The following NCAPH variants were observed in gnomAD, a reference collection of about 807,000 sequenced individuals.
The protein encoded by NCAPH is condensin complex subunit 2.
Under a neutral mutation model 85.5 loss-of-function variants are expected in NCAPH, and 38 were observed. The observed-to-expected ratio is 0.44, with a 90% CI of 0.34 to 0.58. The LOEUF is 0.58. Among genes scored for constraint, NCAPH ranks in the 20% least tolerant of loss-of-function variants. NCAPH has a pLI of 0.01. For synonymous variants in NCAPH, 301 were observed against 335.1 expected, an observed-to-expected ratio of 0.90 and a Z score of 1.11; for missense variants, 789 against 916.6, an observed-to-expected ratio of 0.86 and a Z score of 1.80.
At chr2:96,344,049 TTCATC>T in intron 5 of NCAPH, 51 bp from the exon 6 acceptor site, 1 of 1,568,278 alleles carries the variant, frequency 6.4e-7, no homozygotes, top group Non-Finnish European at 8.6e-7. Context: ...AGTTAGTAAG[TTCATC>T]ACATGCTTCA....
At chr2:96,367,400 G>C in intron 15 of NCAPH, 27 bp downstream of exon 15, 1 of 1,554,560 alleles carries the variant, frequency 6.4e-7, no homozygotes, top group Non-Finnish European at 8.9e-7. Context: ...TGTTCTCTAG[G>C]TGCCCAGCAT....
chr2:96,335,948 T>A (rs939528651), intron 1 of NCAPH, 100 bp downstream of exon 1: 8 of 1,289,412 alleles, frequency 6.2e-6, no homozygotes, highest in Non-Finnish European at 4.0e-6. Context: ...GGAGAGAGGA[T>A]ATGCTCAGCT....
At chr2:96,354,985 A>G (rs1249040259) in intron 9 of NCAPH, among the ~76,000 whole-genome samples, 9 of 152,148 alleles carry the variant, frequency 5.9e-5, no homozygotes, top group Admixed American at 3.3e-4. Context: ...ACCACCTGAA[A>G]GGTAAGCAAG....
At chr2:96,367,122 CAAG>C in intron 14 of NCAPH, 132 bp from the exon 15 acceptor site, 3 of 585,524 alleles carry the variant, frequency 5.1e-6, no homozygotes, top group South Asian at 1.8e-5. Flanking sequence ...ACAAACAAAA[CAAG>C]AGAGCTCTGT....
chr2:96,359,146 C>T lies in NCAPH; in HGVS notation c.1310C>T (p.Ser437Leu), dbSNP rs1372668120. 5 of 1,614,176 alleles carry T rather than the reference C, an allele frequency of 3.1e-6. No homozygotes were observed. Among genetic ancestry groups the T allele is most frequent in the South Asian group, 2.2e-5 (2 of 91,082 alleles). ...EYSYFSPRTM[S>L]MWAGPDHWRF... The stretch of plus-strand genomic sequence containing the variant: ...TCTTATTTCAGTCCTCGGACCATGT[C>T]GATGTGGGCTGGCCCGGATCACTGG... The change falls in exon 10 of 18, where the codon TCG (serine) becomes TTG (leucine). Residue 437 changes from serine (S) to leucine (L), a missense_variant. Coordinates refer to ENST00000240423, the MANE Select transcript of NCAPH (RefSeq NM_015341.5).
Position 96,359,103 on chromosome 2 carries a change from A to G in NCAPH, c.1267A>G (p.Met423Val), listed in dbSNP as rs773338706. 2 of 1,614,220 alleles carry G rather than the reference A, an allele frequency of 1.2e-6. No homozygotes were observed. Among genetic ancestry groups the G allele is most frequent in the Non-Finnish European group, 1.7e-6 (2 of 1,180,032 alleles). The part of the protein sequence containing the change: ...DIRTMCPLLS[M>V]KPGEYSYFSP... ...CAGGACCATGTGCCCCCTTCTGTCT[A>G]TGAAACCTGGAGAATATTCTTATTT... The change falls in exon 10 of 18, where the codon ATG becomes GTG. Residue 423 changes from methionine (M) to valine (V), a missense_variant. Met to Val is a conservative substitution (Grantham distance 21). Coordinates refer to ENST00000240423, the MANE Select transcript of NCAPH (RefSeq NM_015341.5).
chr2:96,348,623 C>A (rs2064393926), intron 6 of NCAPH, among the ~76,000 whole-genome samples: 1 of 151,904 alleles, frequency 6.6e-6, no homozygotes. Context: ...TTTCCCCTTC[C>A]CAGATAATCT....
chr2:96,362,195 G>A (rs2064633674), intron 12 of NCAPH, among the ~76,000 whole-genome samples: 1 of 151,858 alleles, frequency 6.6e-6, no homozygotes, highest in South Asian at 2.1e-4. Flanking sequence ...ACTCCAGCCT[G>A]GGGGACAAAG....
In NCAPH at chr2:96,350,127, C is replaced by T. The variant is rs141197806; in HGVS notation, c.721-1704C>T. On this transcript the variant is annotated intron_variant, in intron 6 of 17. Coordinates refer to ENST00000240423, the MANE Select transcript of NCAPH (RefSeq NM_015341.5). ...TAAAGAGATCTTGAACTTTATCATT[C>T]AGTCTATTGTAAGGCCTTTTATTGT... Among the ~76,000 whole-genome samples the T allele has an allele frequency of 4.1e-3, 621 of 152,340 alleles. 2 individuals carry two copies. Among genetic ancestry groups the T allele is most frequent in the African/African-American group, 0.014 (594 of 41,580 alleles).
intron 12 of NCAPH, among the ~76,000 whole-genome samples, chr2:96,363,539 A>G (rs2064655403): frequency 3.3e-5 from 5 of 152,208 alleles, no homozygotes. Context: ...TAAAATATTC[A>G]GTGTGCTCTT....
At chr2:96,366,126 G>A (rs1205272986) in intron 14 of NCAPH, 68 bp downstream of exon 14, 20 of 1,514,822 alleles carry the variant, frequency 1.3e-5, no homozygotes, top group Non-Finnish European at 1.5e-5. Context: ...TTATATGAGA[G>A]TCACGCAATC....
chr2:96,344,321 G>C, intron 6 of NCAPH, 92 bp downstream of exon 6: 1 of 1,416,198 alleles, frequency 7.1e-7, no homozygotes, highest in East Asian at 2.5e-5. Context: ...GCTGGTATGT[G>C]CCTGTTTAAG....
chr2:96,338,758 A>C (rs549844308), intron 1 of NCAPH, among the ~76,000 whole-genome samples: 1 of 152,198 alleles, frequency 6.6e-6, no homozygotes, highest in African/African-American at 2.4e-5. Context: ...TCCAGAATGA[A>C]TGTAACCCTC....
chr2:96,365,822 T>C, intron 13 of NCAPH, 54 bp from the exon 14 acceptor site: 2 of 1,575,556 alleles, frequency 1.3e-6, no homozygotes, highest in Non-Finnish European at 1.7e-6. Flanking sequence ...TTCAAGGGTG[T>C]TTCTGAGCTC....
chr2:96,350,113 T>C (rs1268933101), intron 6 of NCAPH, among the ~76,000 whole-genome samples: 3 of 152,252 alleles, frequency 2.0e-5, no homozygotes, highest in African/African-American at 7.2e-5. Flanking sequence ...AAAGAGATCT[T>C]GAACTTTATC....
chr2:96,337,367 G>T (rs1324405095), intron 1 of NCAPH, among the ~76,000 whole-genome samples: 1 of 152,142 alleles, frequency 6.6e-6, no homozygotes, highest in African/African-American at 2.4e-5. Flanking sequence ...TCTTGATTCA[G>T]TTTCTAAAAA....
Position 96,369,056 on chromosome 2 carries a change from C to G in NCAPH, c.2083C>G (p.Gln695Glu), listed in dbSNP as rs1328028967. ...GCTTAGCGGGCTCACGAAGGACCTG[C>G]AGAGGAGGTGCGGGCTGGCAGGCAT... ...KMLSGLTKDL[Q>E]RSLPPVMAQN... is the part of the protein sequence containing the mutation. Residue 695 changes from glutamine (Q) to glutamate (E), a missense_variant, in exon 16 of 18, where the codon CAG (glutamine) becomes GAG (glutamate). Gln to Glu is a conservative substitution (Grantham distance 29). Coordinates refer to ENST00000240423, the MANE Select transcript of NCAPH (RefSeq NM_015341.5). The G allele has an allele frequency of 6.4e-7, 1 of 1,554,852 alleles. No individual in the cohort carries two copies. Among genetic ancestry groups the G allele is most frequent in the Non-Finnish European group, 8.7e-7 (1 of 1,148,650 alleles).
Position 96,369,178 on chromosome 2 carries a change from T to G in NCAPH, c.2090+115T>G, listed in dbSNP as rs947641798. The G allele has an allele frequency of 4.4e-6, 5 of 1,133,228 alleles. No individual in the cohort carries two copies. In the South Asian group the frequency reaches 7.7e-5, roughly 17 times the overall value. The allele number at this position is 1,133,228 out of a possible 1,614,324, so 70.2% of individuals were successfully genotyped here. ...TGACATTTATAGTGGCTGTTCTGTT[T>G]TCTCTCTGTGTTGACAGATAATACA... On this transcript the variant is annotated intron_variant, in intron 16 of 17. Coordinates refer to ENST00000240423, the MANE Select transcript of NCAPH (RefSeq NM_015341.5).
chr2:96,355,102 G>T (rs1197121229), intron 9 of NCAPH, among the ~76,000 whole-genome samples: 1 of 152,010 alleles, frequency 6.6e-6, no homozygotes, highest in Admixed American at 6.6e-5. Flanking sequence ...AGAAGAAGAA[G>T]AATTGGTTTA....
Sources: allele counts gnomAD v4.1 joint callset (sites outside exome capture counted in the v4.1 genomes callset), GRCh38; gene constraint gnomAD v4.1.1; transcripts MANE v1.5; gene names NCBI Gene and HGNC (gene_info 2026-07-23, HGNC 2026-07-21).